The following TGFBR3 variants were observed in gnomAD, a reference collection of about 807,000 sequenced individuals.
TGFBR3 encodes the protein transforming growth factor beta receptor type 3.
A neutral mutation model predicts 87.9 loss-of-function variants in TGFBR3; 46 were observed. That is an observed-to-expected ratio of 0.52 (90% CI 0.41 to 0.67). The LOEUF (loss-of-function observed/expected upper bound fraction) is 0.67, where lower values mean the gene tolerates loss of function less well. TGFBR3 is among the 30% of genes least tolerant of loss of function. The pLI, the probability that TGFBR3 is intolerant of heterozygous loss-of-function variation, is 0.00. For missense variants in TGFBR3, 866 were observed against 1,041.9 expected (o/e 0.83, Z 2.32); for synonymous variants, 381 against 391.6 (o/e 0.97, Z 0.32).
At chr1:91,748,791 G>A (rs1673435622) in intron 4 of TGFBR3, among the ~76,000 whole-genome samples, 1 of 151,852 alleles carries the variant, frequency 6.6e-6, no homozygotes, top group Non-Finnish European at 1.5e-5. Context: ...CACTGTCCCT[G>A]GGTTAGAGCC....
chr1:91,719,197 T>C (rs1672276461), intron 10 of TGFBR3, 115 bp downstream of exon 10: 1 of 1,429,298 alleles, frequency 7.0e-7, no homozygotes, highest in Non-Finnish European at 9.8e-7. Flanking sequence ...CTTGGCTTTC[T>C]TCAGGCCTGG....
intron 1 of TGFBR3, among the ~76,000 whole-genome samples, chr1:91,900,782 T>C (rs1679697618): frequency 6.6e-6 from 1 of 152,238 alleles, no homozygotes; most frequent in Non-Finnish European, 1.5e-5. Flanking sequence ...CTTTACAGTG[T>C]CTCAAAGTAT....
intron 16 of TGFBR3, among the ~76,000 whole-genome samples, chr1:91,694,984 T>A (rs1009430440): frequency 2.0e-5 from 3 of 152,174 alleles, no homozygotes; most frequent in Non-Finnish European, 4.4e-5. Flanking sequence ...GCATTCTGTA[T>A]TGGGGTCAGA....
At chr1:91,852,534 A>G (rs1284778463) in intron 2 of TGFBR3, among the ~76,000 whole-genome samples, 3 of 152,060 alleles carry the variant, frequency 2.0e-5, no homozygotes, top group African/African-American at 7.2e-5. Flanking sequence ...AAGGGAATAC[A>G]CTCTAAAATG....
At chr1:91,868,137 C>T (rs1678451913) in intron 1 of TGFBR3, among the ~76,000 whole-genome samples, 1 of 152,162 alleles carries the variant, frequency 6.6e-6, no homozygotes, top group Admixed American at 6.5e-5. Context: ...CAGCTGGTCT[C>T]GAGCTCCTGA....
intron 2 of TGFBR3, among the ~76,000 whole-genome samples, chr1:91,800,238 A>T (rs1571522914): frequency 7.9e-6 from 1 of 126,652 alleles, no homozygotes; most frequent in Admixed American, 7.6e-5. Flanking sequence ...CAAAAAAAAA[A>T]AAAATATATA....
chr1:91,748,776 C>T (rs1178805961), intron 4 of TGFBR3, among the ~76,000 whole-genome samples: 1 of 151,862 alleles, frequency 6.6e-6, no homozygotes, highest in Non-Finnish European at 1.5e-5. Context: ...TGAGTACTTA[C>T]TAAGCACTGT....
intron 2 of TGFBR3, among the ~76,000 whole-genome samples, chr1:91,823,320 C>T (rs915502252): frequency 7.2e-5 from 11 of 152,136 alleles, no homozygotes; most frequent in Non-Finnish European, 1.6e-4. Context: ...TGAAGAACTG[C>T]GTGGCAAGTT....
chr1:91,848,604 T>C (rs1183619398), intron 2 of TGFBR3, among the ~76,000 whole-genome samples: 1 of 152,256 alleles, frequency 6.6e-6, no homozygotes, highest in African/African-American at 2.4e-5. Context: ...ACATTTAATA[T>C]GTAGTTTAAC....
rs937857670 is a variant in TGFBR3 at position 91,695,711 on chromosome 1, G to A, written c.2398C>T (p.Leu800Phe). The change falls in exon 16 of 17, where the codon CTC becomes TTC. Residue 800 changes from leucine to phenylalanine, a missense_variant. Physicochemically the swap from Leu to Phe is conservative, Grantham distance 22. Transcript: ENST00000212355. ...IAFAAFVIGA[L>F]LTGALWYIYS... ...ATGTACCACAAGGCCCCCGTCAGGAGTGCTCCGATCACAAAGGCTGCAAAC... is the reference window on the plus strand; with the variant it reads ...ATGTACCACAAGGCCCCCGTCAGGAATGCTCCGATCACAAAGGCTGCAAAC... The A allele has an allele frequency of 1.2e-6, 2 of 1,614,180 alleles. No homozygotes were observed. The highest frequency in any genetic ancestry group is 1.3e-5 in the African/African-American group (1 of 75,046).
Position 91,681,286 on chromosome 1 carries a change from T to G in TGFBR3, c.*2453A>C, listed in dbSNP as rs147408871. On this transcript the variant is annotated 3_prime_UTR_variant, in exon 17 of 17. Coordinates refer to ENST00000212355, the MANE Select transcript of TGFBR3 (RefSeq NM_003243.5). ...TTTTTTAGAAACATTTCAGAAATAC[T>G]TAACGACATTCACTCTCCAATATGA... 7 of 443,534 alleles carry G rather than the reference T, an allele frequency of 1.6e-5. No individual in the cohort carries two copies. Among genetic ancestry groups the G allele is most frequent in the African/African-American group, 1.4e-4 (7 of 49,382 alleles). The allele number at this position is 443,534 out of a possible 1,614,324, so 27.5% of individuals were successfully genotyped here.
intron 7 of TGFBR3, among the ~76,000 whole-genome samples, chr1:91,723,631 A>G (rs1030432507): frequency 2.0e-5 from 3 of 152,202 alleles, no homozygotes; most frequent in African/African-American, 7.2e-5. Flanking sequence ...AAATTTATAC[A>G]TCAGTTGCTG....
chr1:91,871,709 A>C (rs1431383295), intron 1 of TGFBR3, among the ~76,000 whole-genome samples: 1 of 152,130 alleles, frequency 6.6e-6, no homozygotes, highest in Non-Finnish European at 1.5e-5. Flanking sequence ...AGTGAGTGCA[A>C]AGGTCCTGAG....
At chr1:91,805,462 C>G (rs1675792682) in intron 2 of TGFBR3, among the ~76,000 whole-genome samples, 1 of 152,204 alleles carries the variant, frequency 6.6e-6, no homozygotes, top group African/African-American at 2.4e-5. Context: ...AGAGGCACAG[C>G]CCCCTTCACC....
At chr1:91,868,377 T>C (rs2799528) in intron 1 of TGFBR3, among the ~76,000 whole-genome samples, 3,081 of 152,312 alleles carry the variant, frequency 0.02, 111 homozygotes, top group African/African-American at 0.071. Context: ...GACTTTATCA[T>C]CTAGAATTTC....
At chr1:91,905,910 C>T (rs1162384186) in exon 1 of TGFBR3, 1 of 152,210 alleles carries the variant, frequency 6.6e-6, no homozygotes, top group African/African-American at 2.4e-5. Flanking sequence ...GATGTTAAGA[C>T]CATGCGCAGC....
intron 2 of TGFBR3, among the ~76,000 whole-genome samples, chr1:91,891,782 A>G (rs1162132728): frequency 2.0e-5 from 3 of 152,144 alleles, no homozygotes; most frequent in African/African-American, 7.2e-5. Flanking sequence ...ATTATCACAG[A>G]CAGATTTACT....
chr1:91,798,448 A>G (rs17514919), intron 2 of TGFBR3, among the ~76,000 whole-genome samples: 16,240 of 152,086 alleles, frequency 0.11, 941 homozygotes, highest in Non-Finnish European at 0.13. Flanking sequence ...CAACTTATTT[A>G]AAGGTCTCCA....
intron 2 of TGFBR3, among the ~76,000 whole-genome samples, chr1:91,813,648 AG>A (rs765590851): frequency 1.4e-4 from 21 of 152,204 alleles, no homozygotes; most frequent in Admixed American, 7.8e-4. Flanking sequence ...TCCCTGGTCC[AG>A]GTCAGTACGA....
Sources: gnomAD v4.1 joint callset for allele counts (sites outside exome capture counted in the v4.1 genomes callset) on GRCh38, gnomAD v4.1.1 for gene constraint, MANE v1.5 for transcripts, NCBI Gene and HGNC (gene_info 2026-07-23, HGNC 2026-07-21) for gene names.